The following MKKS variants were observed in gnomAD, a reference collection of about 807,000 sequenced individuals.
MKKS encodes MKKS centrosomal shuttling protein, also known as molecular chaperone MKKS.
Under a neutral mutation model 33.2 loss-of-function variants are expected in MKKS, and 29 were observed. The observed-to-expected ratio is 0.87, with a 90% CI of 0.65 to 1.19. The LOEUF is 1.19. Ranked by LOEUF, MKKS falls within the 50% of genes most tolerant of loss-of-function variation. MKKS has a pLI of 0.00. For missense variants in MKKS, 661 were observed against 662.3 expected (o/e 1.00, Z 0.02); for synonymous variants, 260 against 244.0 (o/e 1.07, Z -0.61).
intron 3 of MKKS, among the ~76,000 whole-genome samples, chr20:10,411,789 T>C (rs2064889608): frequency 1.3e-5 from 2 of 152,368 alleles, no homozygotes; most frequent in Non-Finnish European, 2.9e-5. Context: ...TAAAGGATAC[T>C]GAAAAGTAGC....
chr20:10,405,134 T>G lies in MKKS; in HGVS notation c.*113A>C. 2.5e-6 allele frequency: 2 copies of G among 806,380 alleles called. No individual in the cohort carries two copies. The highest frequency in any genetic ancestry group is 3.8e-6 in the Non-Finnish European group (2 of 527,962). The allele number at this position is 806,380 out of a possible 1,614,324, so 50.0% of individuals were successfully genotyped here. A position where few individuals can be genotyped will look rare whatever the true frequency, so the allele number is the denominator to read the frequency against. On this transcript the variant is annotated 3_prime_UTR_variant, in exon 6 of 6. Coordinates refer to ENST00000347364, the MANE Select transcript of MKKS (RefSeq NM_170784.3). Reference sequence around the variant, plus strand: ...TGTATCTATAATTTTATGAGTCATTTGTCCAAATATGTAGAACAGGGCTTT... The same window carrying G: ...TGTATCTATAATTTTATGAGTCATTGGTCCAAATATGTAGAACAGGGCTTT...
chr20:10,420,485 G>A (rs1380826441), intron 2 of MKKS, 43 bp downstream of exon 2: 2 of 152,164 alleles, frequency 1.3e-5, no homozygotes, highest in Non-Finnish European at 2.9e-5. Context: ...CCCATTGTTG[G>A]AATGTGCCAT....
At chr20:10,424,885 C>G (rs1001401637) in intron 1 of MKKS, among the ~76,000 whole-genome samples, 1 of 151,904 alleles carries the variant, frequency 6.6e-6, no homozygotes, top group African/African-American at 2.4e-5. Flanking sequence ...AACCCTGTCT[C>G]TACTAAAAAT....
chr20:10,428,315 G>C (rs1385181673), intron 1 of MKKS, among the ~76,000 whole-genome samples: 1 of 152,202 alleles, frequency 6.6e-6, no homozygotes, highest in Non-Finnish European at 1.5e-5. Context: ...GATTGTTCCA[G>C]ATCAGATACC....
At chr20:10,418,082 G>A (rs147500820) in intron 2 of MKKS, among the ~76,000 whole-genome samples, 1 of 152,294 alleles carries the variant, frequency 6.6e-6, no homozygotes, top group East Asian at 1.9e-4. Context: ...TGTAGGTAAA[G>A]AGTCACTGTT....
intron 3 of MKKS, among the ~76,000 whole-genome samples, chr20:10,410,532 G>A (rs1425208802): frequency 1.3e-5 from 2 of 152,116 alleles, no homozygotes; most frequent in African/African-American, 4.8e-5. Flanking sequence ...TAGGGAGGCT[G>A]AGACAGAATT....
intron 1 of MKKS, among the ~76,000 whole-genome samples, chr20:10,424,592 A>G (rs1297689668): frequency 6.6e-6 from 1 of 152,154 alleles, no homozygotes; most frequent in Non-Finnish European, 1.5e-5. Context: ...CAAAAAAAAA[A>G]ATAGTTTTCA....
In MKKS at chr20:10,408,793, A is replaced by C; in HGVS notation, c.996T>G (p.Pro332=). ...EPLTKMTGTQ[P]IGSLGSICPN... ...GACATATTGAGCCTAGGGATCCAAT[A>C]GGCTGTGTTCCTATTTTTTAAAGAT... is the stretch of plus-strand genomic sequence containing the variant. The change falls in exon 4 of 6, where the codon CCT becomes CCG. Residue 332 remains proline, a synonymous_variant. Coordinates refer to ENST00000347364, the MANE Select transcript of MKKS (RefSeq NM_170784.3). The C allele has an allele frequency of 6.2e-7, 1 of 1,612,578 alleles. No homozygotes were observed. The highest frequency in any genetic ancestry group is 1.3e-5 in the African/African-American group (1 of 75,018).
intron 1 of MKKS, among the ~76,000 whole-genome samples, chr20:10,425,055 A>T (rs1282126808): frequency 1.4e-5 from 2 of 143,552 alleles, no homozygotes; most frequent in African/African-American, 4.9e-5. Context: ...CTCCGTCTCA[A>T]AAAAAAAAAA....
intron 3 of MKKS, among the ~76,000 whole-genome samples, chr20:10,409,835 G>A (rs2064868369): frequency 6.6e-6 from 1 of 151,814 alleles, no homozygotes; most frequent in African/African-American, 2.4e-5. Flanking sequence ...GCCGGGCGTG[G>A]TGGCAGGTGC....
At chr20:10,412,371 T>C (rs1427323641) in intron 3 of MKKS, among the ~76,000 whole-genome samples, 159 bp downstream of exon 3, 2 of 152,166 alleles carry the variant, frequency 1.3e-5, no homozygotes, top group Non-Finnish European at 2.9e-5. Flanking sequence ...ATGTGAACAA[T>C]ACAGGATCTT....
intron 1 of MKKS, among the ~76,000 whole-genome samples, chr20:10,431,296 T>C (rs181304214): frequency 2.6e-5 from 4 of 152,274 alleles, no homozygotes; most frequent in African/African-American, 9.6e-5. Flanking sequence ...CACAGTCATG[T>C]ATCCCACATT....
chr20:10,433,941 C>A (rs893683237), intron 1 of MKKS, among the ~76,000 whole-genome samples, 167 bp downstream of exon 1: 9 of 152,210 alleles, frequency 5.9e-5, no homozygotes, highest in African/African-American at 2.2e-4. Flanking sequence ...GTCGGTCTTT[C>A]GCCTCCTACA....
At chr20:10,430,186 A>C (rs1180858104) in intron 1 of MKKS, among the ~76,000 whole-genome samples, 1 of 152,266 alleles carries the variant, frequency 6.6e-6, no homozygotes, top group Non-Finnish European at 1.5e-5. Context: ...ACCAGTTTTC[A>C]GAAAGTCAAG....
chr20:10,414,963 T>C (rs567500079), intron 2 of MKKS, among the ~76,000 whole-genome samples: 22 of 152,290 alleles, frequency 1.4e-4, no homozygotes, highest in African/African-American at 5.1e-4. Context: ...CCAAGGGATA[T>C]GCTGGATAAC....
chr20:10,401,403 G>T lies in MKKS; in HGVS notation c.*3844C>A, dbSNP rs2064811089. The T allele has an allele frequency of 2.0e-5, 3 of 152,076 alleles. No homozygotes were observed. The highest frequency in any genetic ancestry group is 7.2e-5 in the African/African-American group (3 of 41,412). The allele number at this position is 152,076 out of a possible 1,614,324, so 9.4% of individuals were successfully genotyped here. On this transcript the variant is annotated 3_prime_UTR_variant, in exon 6 of 6. Transcript: ENST00000347364. ...TTAGCTACATGAAAAAAATTATAAA[G>T]ATATCAGATATTCAAAATTGACTTT... is the stretch of plus-strand genomic sequence containing the variant.
At chr20:10,410,135 A>G (rs970002180) in intron 3 of MKKS, among the ~76,000 whole-genome samples, 2 of 152,110 alleles carry the variant, frequency 1.3e-5, no homozygotes, top group African/African-American at 2.4e-5. Context: ...AAAGTGATCT[A>G]AGTAAAAAAC....
intron 1 of MKKS, among the ~76,000 whole-genome samples, chr20:10,431,434 T>C (rs1191799918): frequency 6.6e-6 from 1 of 151,740 alleles, no homozygotes; most frequent in Non-Finnish European, 1.5e-5. Flanking sequence ...CCAAGAAGAG[T>C]AAGGCATGAT....
chr20:10,433,806 G>A (rs1403024302), intron 1 of MKKS, among the ~76,000 whole-genome samples: 1 of 152,194 alleles, frequency 6.6e-6, no homozygotes, highest in Non-Finnish European at 1.5e-5. Flanking sequence ...CGGCGTAGAA[G>A]GCGGCAGCGC....
Sources: allele counts gnomAD v4.1 joint callset (sites outside exome capture counted in the v4.1 genomes callset), GRCh38; gene constraint gnomAD v4.1.1; transcripts MANE v1.5; gene names NCBI Gene and HGNC (gene_info 2026-07-23, HGNC 2026-07-21).